DPP10: variants seen among roughly 807,000 people sequenced by gnomAD.
DPP10 encodes the protein inactive dipeptidyl peptidase 10.
A neutral mutation model predicts 120.9 loss-of-function variants in DPP10; 33 were observed. The ratio of observed to expected loss-of-function variants is 0.27; its 90% confidence interval spans 0.21 to 0.37. DPP10 has a LOEUF of 0.37. Among genes scored for constraint, DPP10 ranks in the 10% least tolerant of loss-of-function variants. The probability of loss-of-function intolerance (pLI) is 1.00; values close to 1 mark genes in which losing one functional copy is unlikely to be tolerated. For missense variants in DPP10, 816 were observed against 942.8 expected, an observed-to-expected ratio of 0.87 and a Z score of 1.76; for synonymous variants, 337 against 326.1, an observed-to-expected ratio of 1.03 and a Z score of -0.36.
chr2:115,495,933 C>A (rs2076373666), intron 3 of DPP10, among the ~76,000 whole-genome samples: 1 of 152,074 alleles, frequency 6.6e-6, no homozygotes, highest in South Asian at 2.1e-4. Context: ...TCAAGTACTC[C>A]TACCTTAATC....
intron 1 of DPP10, among the ~76,000 whole-genome samples, chr2:115,246,734 A>T (rs1280761318): frequency 6.6e-6 from 1 of 151,802 alleles, no homozygotes; most frequent in Non-Finnish European, 1.5e-5. Flanking sequence ...CTAGATTTGA[A>T]CTCTTATTTT....
intron 1 of DPP10, among the ~76,000 whole-genome samples, chr2:114,690,576 T>C (rs1446284246): frequency 6.6e-6 from 1 of 152,134 alleles, no homozygotes; most frequent in African/African-American, 2.4e-5. Flanking sequence ...GGGATCTTTT[T>C]GGTTCCATGT....
chr2:115,755,174 C>T (rs913644502), intron 11 of DPP10, among the ~76,000 whole-genome samples: 3 of 151,924 alleles, frequency 2.0e-5, no homozygotes, highest in Non-Finnish European at 4.4e-5. Flanking sequence ...TTTTAAACTG[C>T]ATATAAATGC....
Position 115,137,120 on chromosome 2 carries a change from G to A in DPP10, c.61-172119G>A, listed in dbSNP as rs963738583. Among the ~76,000 whole-genome samples the A allele has an allele frequency of 2.0e-5, 3 of 152,166 alleles. No individual in the cohort carries two copies. The South Asian group carries it at 6.2e-4, about 31-fold the overall frequency. ...GGGAGAGAGGAGTTGGTGGGAAGAG[G>A]AGGTCATCTGTGCTAATGGAAAATA... is the stretch of plus-strand genomic sequence containing the variant. On this transcript the variant is annotated intron_variant, in intron 1 of 25. Coordinates refer to ENST00000410059, the MANE Select transcript of DPP10 (RefSeq NM_020868.6).
chr2:114,698,778 A>G lies in DPP10; in HGVS notation c.60+255940A>G, dbSNP rs76327423. 9.8e-3 allele frequency among the ~76,000 whole-genome samples: 1,486 copies of G among 152,180 alleles called. 19 individuals are homozygous for G. Among genetic ancestry groups the G allele is most frequent in the African/African-American group, 0.034 (1,422 of 41,534 alleles). ...AGCAACTGCCTGCCTGGCTTCTTGC[A>G]TTTTCACAGCTTGCATTTGGAAAGG... is the stretch of plus-strand genomic sequence containing the variant. On this transcript the variant is annotated intron_variant, in intron 1 of 25. Coordinates refer to ENST00000410059, the MANE Select transcript of DPP10 (RefSeq NM_020868.6).
intron 3 of DPP10, among the ~76,000 whole-genome samples, chr2:115,480,754 A>C (rs564613776): frequency 1.3e-5 from 2 of 152,250 alleles, no homozygotes; most frequent in South Asian, 4.1e-4. Flanking sequence ...CAGAAACATA[A>C]TGTTCAGTAT....
At chr2:115,471,822 G>T (rs2074743888) in intron 3 of DPP10, among the ~76,000 whole-genome samples, 1 of 151,814 alleles carries the variant, frequency 6.6e-6, no homozygotes, top group African/African-American at 2.4e-5. Flanking sequence ...GTCTCACGCT[G>T]TTGCCCAGAC....
chr2:115,645,683 A>G (rs2087185922), intron 5 of DPP10, among the ~76,000 whole-genome samples: 1 of 152,218 alleles, frequency 6.6e-6, no homozygotes, highest in Admixed American at 6.5e-5. Context: ...AAGTCAAAAT[A>G]TAGAAAGTAA....
At position 115,023,125 on chromosome 2, in the gene DPP10, A is replaced by C. The variant is rs1703196243; in HGVS notation, c.61-286114A>C. Among the ~76,000 whole-genome samples, 4 of 152,084 alleles carry C rather than the reference A, an allele frequency of 2.6e-5. No individual in the cohort carries two copies. The South Asian group carries it at 8.3e-4, about 31-fold the overall frequency. ...CATGACCGGGAACTCAAAAGCAAAT[A>C]CAACAAAAACAAAGATAAACAGATG... On this transcript the variant is annotated intron_variant, in intron 1 of 25. Transcript: ENST00000410059.
At chr2:114,852,962 G>A (rs1004360958) in intron 1 of DPP10, among the ~76,000 whole-genome samples, 22 of 152,242 alleles carry the variant, frequency 1.4e-4, no homozygotes, top group East Asian at 5.8e-4. Context: ...TAAAAATTCC[G>A]AACACCTGTG....
chr2:114,928,983 A>G (rs1018725064), intron 1 of DPP10, among the ~76,000 whole-genome samples: 3 of 152,138 alleles, frequency 2.0e-5, no homozygotes, highest in African/African-American at 7.2e-5. Context: ...ATTTTCCCTA[A>G]GTGTCAGCTG....
At chr2:115,355,392 A>AT in intron 3 of DPP10, among the ~76,000 whole-genome samples, 1 of 151,936 alleles carries the variant, frequency 6.6e-6, no homozygotes, top group South Asian at 2.1e-4. Flanking sequence ...GCCTTTGCCC[A>AT]TTTTTGATGG....
intron 1 of DPP10, among the ~76,000 whole-genome samples, chr2:115,124,884 T>A (rs1393571255): frequency 6.6e-6 from 1 of 152,198 alleles, no homozygotes; most frequent in Non-Finnish European, 1.5e-5. Flanking sequence ...TTACTCTGAT[T>A]CTGTTCTTTG....
At chr2:114,803,206 G>A (rs1009806534) in intron 1 of DPP10, among the ~76,000 whole-genome samples, 1 of 152,136 alleles carries the variant, frequency 6.6e-6, no homozygotes, top group African/African-American at 2.4e-5. Context: ...TGTAAGAAGT[G>A]CCTTTCACCT....
At chr2:115,179,824 G>T (rs1261632855) in intron 1 of DPP10, among the ~76,000 whole-genome samples, 1 of 152,072 alleles carries the variant, frequency 6.6e-6, no homozygotes, top group East Asian at 1.9e-4. Flanking sequence ...TAGCAGCATT[G>T]AAATGTTTTA....
chr2:114,505,329 T>G (rs928819498), intron 1 of DPP10, among the ~76,000 whole-genome samples: 4 of 152,144 alleles, frequency 2.6e-5, no homozygotes, highest in African/African-American at 9.6e-5. Context: ...GGAAAACTAG[T>G]AGAAGATAAA....
chr2:115,648,244 A>T (rs2087446775), intron 5 of DPP10, among the ~76,000 whole-genome samples: 1 of 152,082 alleles, frequency 6.6e-6, no homozygotes, highest in South Asian at 2.1e-4. Context: ...GTAGAATCGT[A>T]GTTACCAGGG....
chr2:115,436,900 A>G (rs2071549530), intron 3 of DPP10, among the ~76,000 whole-genome samples: 1 of 151,948 alleles, frequency 6.6e-6, no homozygotes, highest in South Asian at 2.1e-4. Context: ...AATAATAATT[A>G]ATATTCTAGC....
At chr2:115,392,975 G>C (rs765942442) in intron 3 of DPP10, among the ~76,000 whole-genome samples, 2 of 151,978 alleles carry the variant, frequency 1.3e-5, no homozygotes, top group Non-Finnish European at 2.9e-5. Flanking sequence ...TATTTATATT[G>C]AATTTTCCTT....
Sources: allele counts gnomAD v4.1 joint callset (sites outside exome capture counted in the v4.1 genomes callset), GRCh38; gene constraint gnomAD v4.1.1; transcripts MANE v1.5; gene names NCBI Gene and HGNC (gene_info 2026-07-23, HGNC 2026-07-21).